The following ZFP62 variants were observed in gnomAD, a reference collection of about 807,000 sequenced individuals.
ZFP62 encodes the protein ZFP62 zinc finger protein.
In ZFP62, 44 loss-of-function variants were observed where a neutral mutation model predicts 56.4. The observed-to-expected ratio is 0.78, with a 90% CI of 0.61 to 1.00. ZFP62 has a LOEUF of 1.00. Ranked by LOEUF, ZFP62 falls within the 50% of genes least tolerant of loss-of-function variation. ZFP62 has a pLI of 0.00. For missense variants in ZFP62, 1,030 were observed against 1,085.7 expected, an observed-to-expected ratio of 0.95 and a Z score of 0.72; for synonymous variants, 421 against 388.9, an observed-to-expected ratio of 1.08 and a Z score of -0.97.
the ZFP62 span, among the ~76,000 whole-genome samples, chr5:180,838,681 T>C: frequency 2.7e-5 from 4 of 149,832 alleles, no homozygotes; most frequent in Non-Finnish European, 4.5e-5. Flanking sequence ...TATACTATAC[T>C]TCTTTGGCAA....
In ZFP62 at chr5:180,848,754, TC is replaced by T. The variant is rs1437509134; in HGVS notation, c.*37del. On this transcript the variant is annotated 3_prime_UTR_variant, in exon 2 of 2. Coordinates refer to ENST00000502412, the MANE Select transcript of ZFP62 (RefSeq NM_001172638.2). ...ATTCTTACATTCATAAGGTATTTCT[TC>T]CATTTGAGTTCGGAGAGACTTGGTA... 6.8e-7 allele frequency: 1 copy of T among 1,470,660 alleles called. No individual in the cohort carries two copies. The highest frequency in any genetic ancestry group is 9.0e-7 in the Non-Finnish European group (1 of 1,108,522). The allele number at this position is 1,470,660 out of a possible 1,614,324, so 91.1% of individuals were successfully genotyped here. A position where few individuals can be genotyped will look rare whatever the true frequency, so the allele number is the denominator to read the frequency against.
chr5:180,829,129 T>C, the ZFP62 span, among the ~76,000 whole-genome samples: 3 of 152,382 alleles, frequency 2.0e-5, no homozygotes, highest in Non-Finnish European at 4.4e-5. Flanking sequence ...CATAGACCCT[T>C]ATCAGGAGTT....
chr5:180,858,025 G>A (rs1774080798), intron 1 of ZFP62, among the ~76,000 whole-genome samples: 2 of 150,768 alleles, frequency 1.3e-5, no homozygotes. Context: ...GGCCGAGGCA[G>A]GTGGGTCACC....
chr5:180,840,617 C>G, the ZFP62 span, among the ~76,000 whole-genome samples: 1 of 151,762 alleles, frequency 6.6e-6, no homozygotes, highest in East Asian at 1.9e-4. Context: ...ATGAGCCGGG[C>G]ATGTGGTGGG....
rs1365699370 is a variant in ZFP62 at position 180,851,391 on chromosome 5, G to T, written c.104C>A (p.Pro35His). ...SKWPKVEDPM[P>H]ESKVGDTCVW... ...ACATGTGTCACCAACCTTAGATTCA[G>T]GCATAGGATCCTCCACTTTTGGCCA... Residue 35 changes from proline to histidine, a missense_variant, in exon 2 of 2, where the codon CCT (proline) becomes CAT (histidine). By Grantham distance (77) the Pro-to-His change is moderately conservative. Transcript: ENST00000502412. The T allele has an allele frequency of 4.5e-6, 7 of 1,551,482 alleles. No homozygotes were observed. The African/African-American group carries it at 9.6e-5, about 21-fold the overall frequency.
the ZFP62 span, chr5:180,831,265 C>A: frequency 3.3e-5 from 5 of 152,740 alleles, no homozygotes; most frequent in Non-Finnish European, 5.9e-5. Context: ...GAGAGCAGAG[C>A]GGCCCCAGGG....
At chr5:180,839,665 T>C in the ZFP62 span, among the ~76,000 whole-genome samples, 4 of 152,158 alleles carry the variant, frequency 2.6e-5, no homozygotes, top group Admixed American at 2.0e-4. Flanking sequence ...TTGGGTACTA[T>C]GCTTATTACC....
intron 1 of ZFP62, among the ~76,000 whole-genome samples, chr5:180,854,571 CTTAAA>C (rs1359433187): frequency 1.3e-5 from 2 of 149,036 alleles, no homozygotes; most frequent in Non-Finnish European, 3.0e-5. Context: ...ATTTATAATG[CTTAAA>C]TTATTTACAA....
downstream of ZFP62, chr5:180,845,598 T>TA (rs1773395995): frequency 2.0e-6 from 1 of 491,842 alleles, no homozygotes; most frequent in Non-Finnish European, 2.6e-6. Context: ...TGAAGTACTG[T>TA]ATTCTGCTTC....
chr5:180,836,701 T>C, the ZFP62 span, among the ~76,000 whole-genome samples: 1 of 152,108 alleles, frequency 6.6e-6, no homozygotes. Flanking sequence ...GTCGTGAAAA[T>C]GTAAACTGAG....
chr5:180,848,319 G>C lies in ZFP62; in HGVS notation c.*473C>G, dbSNP rs180950002. ...AATATTAAATAAATTTATATTCCCT[G>C]AAACCTATCCTCCCTGAATTTGCCT... On this transcript the variant is annotated 3_prime_UTR_variant, in exon 2 of 2. Coordinates refer to ENST00000502412, the MANE Select transcript of ZFP62 (RefSeq NM_001172638.2). 1.3e-4 allele frequency: 124 copies of C among 986,286 alleles called. 1 individual carries two copies. The Admixed American group carries it at 7.4e-3, about 59-fold the overall frequency. 61.1% of individuals were successfully genotyped at this position (986,286 alleles called of 1,614,324 possible).
the ZFP62 span, among the ~76,000 whole-genome samples, chr5:180,835,886 G>C: frequency 2.0e-5 from 3 of 152,272 alleles, no homozygotes; most frequent in African/African-American, 7.2e-5. Flanking sequence ...TAATTTCCTA[G>C]GGCAGCCGTA....
downstream of ZFP62, among the ~76,000 whole-genome samples, chr5:180,843,433 A>G (rs554011355): frequency 3.9e-5 from 6 of 152,334 alleles, no homozygotes; most frequent in East Asian, 9.6e-4. Context: ...AAAACAAACT[A>G]TATGCTATTT....
chr5:180,861,104 C>G, intron 1 of ZFP62, 115 bp downstream of exon 1: 2 of 398,340 alleles, frequency 5.0e-6, no homozygotes, highest in Non-Finnish European at 8.9e-6. Context: ...AGGGGGCACG[C>G]TTACTCCCAC....
chr5:180,850,191 A>C lies in ZFP62; in HGVS notation c.1304T>G (p.Leu435Arg). ...ATGAATAGTTCTGTGTTGAAGAAGT[A>C]GTGAGTTATAACTAAAGGATTTCCC... The part of the protein sequence containing the change: ...ECGKSFSYNS[L>R]LLQHRTIHTG... The change falls in exon 2 of 2, where the codon CTA (leucine) becomes CGA (arginine). Residue 435 changes from leucine (L) to arginine (R), a missense_variant. Coordinates refer to ENST00000502412, the MANE Select transcript of ZFP62 (RefSeq NM_001172638.2). 6.4e-7 allele frequency: 1 copy of C among 1,552,026 alleles called. No individual in the cohort carries two copies. The highest frequency in any genetic ancestry group is 8.7e-7 in the Non-Finnish European group (1 of 1,147,158).
the ZFP62 span, among the ~76,000 whole-genome samples, chr5:180,827,570 A>G: frequency 3.3e-5 from 5 of 152,228 alleles, no homozygotes; most frequent in Non-Finnish European, 5.9e-5. Flanking sequence ...GGAAGGCCGC[A>G]GGGACCTCTG....
At chr5:180,842,624 T>A (rs568827316), downstream of ZFP62, among the ~76,000 whole-genome samples, 7 of 152,372 alleles carry the variant, frequency 4.6e-5, no homozygotes, top group African/African-American at 1.4e-4. Context: ...AGAATGAAGT[T>A]ATTTTTAGGC....
In ZFP62 at chr5:180,849,364, A is replaced by T; in HGVS notation, c.2131T>A (p.Phe711Ile). The change falls in exon 2 of 2, where the codon TTC (phenylalanine) becomes ATC (isoleucine). Residue 711 changes from phenylalanine to isoleucine, a missense_variant. By Grantham distance (21) the Phe-to-Ile change is conservative. Coordinates refer to ENST00000502412, the MANE Select transcript of ZFP62 (RefSeq NM_001172638.2). ...HTCDECGKAF[F>I]SSRTLISHKR... ...TGGCTTATAAGAGTTCTGCTTGAGAAAAAAGCTTTTCCACATTCATCACAT... is the reference window on the plus strand; with the variant it reads ...TGGCTTATAAGAGTTCTGCTTGAGATAAAAGCTTTTCCACATTCATCACAT... The T allele has an allele frequency of 6.4e-7, 1 of 1,551,300 alleles. No individual in the cohort carries two copies. Among genetic ancestry groups the T allele is most frequent in the Non-Finnish European group, 8.7e-7 (1 of 1,146,916 alleles).
At chr5:180,833,019 C>T in the ZFP62 span, among the ~76,000 whole-genome samples, 11 of 152,182 alleles carry the variant, frequency 7.2e-5, no homozygotes, top group Non-Finnish European at 1.2e-4. Flanking sequence ...CTTGAGCACA[C>T]GGACTGTTTA....
Sources: gnomAD v4.1 joint callset for allele counts (sites outside exome capture counted in the v4.1 genomes callset) on GRCh38, gnomAD v4.1.1 for gene constraint, MANE v1.5 for transcripts, NCBI Gene and HGNC (gene_info 2026-07-23, HGNC 2026-07-21) for gene names.